The following BNIP1 variants were observed in gnomAD, a reference collection of about 807,000 sequenced individuals.
BNIP1 encodes the protein vesicle transport protein SEC20.
Under a neutral mutation model 28.5 loss-of-function variants are expected in BNIP1, and 25 were observed. The observed-to-expected ratio is 0.88, with a 90% confidence interval of 0.64 to 1.23. BNIP1 has a LOEUF of 1.23. Ranked by LOEUF, BNIP1 falls within the 50% of genes most tolerant of loss-of-function variation. The pLI is 0.00. For missense variants in BNIP1, 276 were observed against 277.0 expected (o/e 1.00, Z 0.02); for synonymous variants, 118 against 101.7 (o/e 1.16, Z -0.96).
At chr5:173,150,517 T>C (rs1759984518) in intron 2 of BNIP1, among the ~76,000 whole-genome samples, 1 of 152,230 alleles carries the variant, frequency 6.6e-6, no homozygotes, top group African/African-American at 2.4e-5. Flanking sequence ...CATACCTAGC[T>C]GATCTCTTCC....
intron 2 of BNIP1, among the ~76,000 whole-genome samples, chr5:173,147,547 C>T (rs1759875867): frequency 6.6e-6 from 1 of 151,872 alleles, no homozygotes; most frequent in Non-Finnish European, 1.5e-5. Context: ...TCTTTCTACC[C>T]TATTCATTCA....
At chr5:173,152,966 G>C (rs1443424735) in intron 2 of BNIP1, among the ~76,000 whole-genome samples, 2 of 152,128 alleles carry the variant, frequency 1.3e-5, no homozygotes, top group African/African-American at 4.8e-5. Context: ...CAAAAAATGT[G>C]ATTGGTATAA....
At chr5:173,144,725 T>G in intron 1 of BNIP1, 96 bp downstream of exon 1, 1 of 1,348,278 alleles carries the variant, frequency 7.4e-7, no homozygotes. Flanking sequence ...CTTTCCCCAC[T>G]TGGTTTCCCA....
chr5:173,164,095 G>T lies in BNIP1; in HGVS notation c.*174G>T. ...TGCAAGTAGCTGGCTTGTAAAGGGT[G>T]AACAGAGCCATGGGAGGAAGGTCTG... On this transcript the variant is annotated 3_prime_UTR_variant, in exon 6 of 6. Transcript: ENST00000351486. The surrounding 1 kb of genome is among the most constrained non-coding windows in gnomAD (Gnocchi z 4.0). The T allele has an allele frequency of 1.7e-6, 1 of 588,238 alleles. No homozygotes were observed. The allele number at this position is 588,238 out of a possible 1,614,324, so 36.4% of individuals were successfully genotyped here.
intron 5 of BNIP1, 145 bp downstream of exon 5, chr5:173,160,196 C>T: frequency 1.4e-6 from 1 of 698,960 alleles, no homozygotes; most frequent in South Asian, 1.8e-5. Context: ...GATGACTTGA[C>T]ACCATGGTCT....
intron 1 of BNIP1, among the ~76,000 whole-genome samples, chr5:173,145,735 A>G (rs898858270): frequency 2.6e-5 from 4 of 152,220 alleles, no homozygotes; most frequent in African/African-American, 9.6e-5. Context: ...ATCATTTTCA[A>G]CAAAGTCACT....
chr5:173,150,388 CCCTGAG>C (rs1759981794), intron 2 of BNIP1, among the ~76,000 whole-genome samples: 1 of 152,092 alleles, frequency 6.6e-6, no homozygotes, highest in Non-Finnish European at 1.5e-5. Context: ...CCAGTTGGAC[CCCTGAG>C]AAACAGTATG....
At chr5:173,151,439 C>T in intron 2 of BNIP1, 7 of 982,644 alleles carry the variant, frequency 7.1e-6, no homozygotes, top group Non-Finnish European at 7.3e-6. Context: ...TCAGGCTGGA[C>T]TTGAACTCCT....
chr5:173,144,709 C>T (rs1759780884), intron 1 of BNIP1, 80 bp downstream of exon 1: 8 of 1,438,028 alleles, frequency 5.6e-6, no homozygotes, highest in Non-Finnish European at 7.7e-6. Flanking sequence ...CAGTGTCACT[C>T]CCGAACTTTC....
intron 2 of BNIP1, among the ~76,000 whole-genome samples, chr5:173,148,699 C>T (rs1334042990): frequency 6.6e-6 from 1 of 152,046 alleles, no homozygotes; most frequent in Non-Finnish European, 1.5e-5. Context: ...GACATTCCTG[C>T]CGGCTCCTCT....
chr5:173,157,356 T>C (rs968255600), intron 3 of BNIP1, among the ~76,000 whole-genome samples: 7 of 152,184 alleles, frequency 4.6e-5, no homozygotes, highest in Non-Finnish European at 8.8e-5. Context: ...TTCTGAAGTA[T>C]GAGTTTGATT....
At position 173,161,081 on chromosome 5, in the gene BNIP1, C is replaced by T. The variant is rs189657423; in HGVS notation, c.490+1030C>T. 2.2e-3 allele frequency: 662 copies of T among 299,402 alleles called. 8 individuals carry two copies. Among genetic ancestry groups the T allele is most frequent in the South Asian group, 0.015 (499 of 32,292 alleles). 18.5% of individuals were successfully genotyped at this position (299,402 alleles called of 1,614,324 possible). On this transcript the variant is annotated intron_variant, in intron 5 of 5. Coordinates refer to ENST00000351486, the MANE Select transcript of BNIP1 (RefSeq NM_001205.3). ...CTGAGTCCATTACCCCAGCCAGTCT[C>T]GTTTCAGTTCTACCCTCAGCCCATC... is the stretch of plus-strand genomic sequence containing the variant.
intron 2 of BNIP1, among the ~76,000 whole-genome samples, chr5:173,150,257 C>CAA (rs554893099): frequency 1.3e-5 from 1 of 74,278 alleles, no homozygotes. Context: ...GACCCTGTCT[C>CAA]AAAAAAAAAA....
At chr5:173,144,860 G>A (rs1759785238) in intron 1 of BNIP1, 3 of 502,588 alleles carry the variant, frequency 6.0e-6, no homozygotes. Flanking sequence ...GCACCCCACT[G>A]TTCTCCGCCC....
intron 2 of BNIP1, chr5:173,151,816 G>A (rs1760031223): frequency 2.1e-6 from 3 of 1,433,196 alleles, no homozygotes; most frequent in African/African-American, 1.4e-5. Context: ...ACCTAGGAAG[G>A]ACCTAATAAG....
chr5:173,158,248 A>G (rs941890792), intron 3 of BNIP1, among the ~76,000 whole-genome samples: 1 of 152,050 alleles, frequency 6.6e-6, no homozygotes, highest in African/African-American at 2.4e-5. Context: ...TTTATTTCCT[A>G]CAAAGTATAT....
At chr5:173,147,249 CA>C (rs5745114) in intron 2 of BNIP1, among the ~76,000 whole-genome samples, 14,788 of 151,910 alleles carry the variant, frequency 0.097, 822 homozygotes, top group South Asian at 0.16. Context: ...ACTAAAAATA[CA>C]AAAAATTAGT....
rs1284030575 is a variant in BNIP1, at chr5:173,158,852, A to G, written c.371+7A>G. The G allele has an allele frequency of 6.2e-7, 1 of 1,604,940 alleles. No individual in the cohort carries two copies. Among genetic ancestry groups the G allele is most frequent in the African/African-American group, 1.3e-5 (1 of 74,566 alleles). ...GAGATCTCTTAAGGCAAAGGTACCT[A>G]TTCTTTTATTTTTCTGGGCTCCGAT... On this transcript the variant is annotated splice_region_variant and intron_variant, in intron 4 of 5. Coordinates refer to ENST00000351486, the MANE Select transcript of BNIP1 (RefSeq NM_001205.3).
chr5:173,159,888 G>A, intron 4 of BNIP1, 45 bp from the exon 5 acceptor site: 1 of 1,550,496 alleles, frequency 6.4e-7, no homozygotes, highest in Non-Finnish European at 8.9e-7. Context: ...TTGCAGGGAG[G>A]CTTTTGTTGA....
Sources: gnomAD v4.1 joint callset for allele counts (sites outside exome capture counted in the v4.1 genomes callset) on GRCh38, gnomAD v4.1.1 for gene constraint, Gnocchi (gnomAD v3.1) non-coding constraint, MANE v1.5 for transcripts, NCBI Gene and HGNC (gene_info 2026-07-23, HGNC 2026-07-21) for gene names.